Variants in ADTRP observed in about 807,000 individuals in gnomAD.
ADTRP encodes androgen-dependent TFPI-regulating protein.
A neutral mutation model predicts 27.0 loss-of-function variants in ADTRP; 20 were observed. The observed-to-expected ratio is 0.74, with a 90% confidence interval of 0.52 to 1.08. The LOEUF (loss-of-function observed/expected upper bound fraction) is 1.08, where lower values mean the gene tolerates loss of function less well. Among genes scored for constraint, ADTRP ranks in the 50% least tolerant of loss-of-function variants. ADTRP has a pLI of 0.00. For missense variants in ADTRP, 251 were observed against 275.0 expected, an observed-to-expected ratio of 0.91 and a Z score of 0.62; for synonymous variants, 101 against 105.2, an observed-to-expected ratio of 0.96 and a Z score of 0.25.
chr6:11,735,969 G>C (rs75743169), intron 3 of ADTRP: 12 of 276,998 alleles, frequency 4.3e-5, no homozygotes, highest in Non-Finnish European at 6.2e-5. Context: ...TGGCGGGGGT[G>C]GGGGGTGGAG....
chr6:11,724,409 T>C (rs894019783), intron 4 of ADTRP, among the ~76,000 whole-genome samples: 2 of 152,134 alleles, frequency 1.3e-5, no homozygotes, highest in African/African-American at 2.4e-5. Context: ...CAGTAATGCA[T>C]GGATTTGCAG....
At chr6:11,733,544 T>C (rs6908760) in intron 4 of ADTRP, among the ~76,000 whole-genome samples, 28,094 of 152,194 alleles carry the variant, frequency 0.18, 2,910 homozygotes, top group African/African-American at 0.24. Context: ...AAGCCAGTCC[T>C]GCACATCTCT....
intron 3 of ADTRP, among the ~76,000 whole-genome samples, chr6:11,758,452 C>A (rs1261315527): frequency 6.6e-6 from 1 of 150,700 alleles, no homozygotes; most frequent in African/African-American, 2.4e-5. Context: ...TTTTCATTCT[C>A]AGCAAACTAT....
chr6:11,756,554 T>A (rs1763220318), intron 3 of ADTRP, among the ~76,000 whole-genome samples: 1 of 152,174 alleles, frequency 6.6e-6, no homozygotes, highest in Admixed American at 6.5e-5. Flanking sequence ...CACTTACATG[T>A]AAATCTACAA....
chr6:11,715,175 T>C lies in ADTRP; in HGVS notation c.659-663A>G, dbSNP rs140341582. 3.1e-4 allele frequency among the ~76,000 whole-genome samples: 44 copies of C among 143,958 alleles called. No homozygotes were observed. The East Asian group carries it at 9.5e-3, about 31-fold the overall frequency. The allele number at this position is 143,958 out of a possible 152,430, so 94.4% of individuals were successfully genotyped here. A position where few individuals can be genotyped will look rare whatever the true frequency, so the allele number is the denominator to read the frequency against. The stretch of plus-strand genomic sequence containing the variant: ...ATCCTTTGTGCTTGTTGCCAAATAC[T>C]GTCAATGCTACTTTAAAAACTTCTC... On this transcript the variant is annotated intron_variant, in intron 5 of 5. Transcript: ENST00000414691.
chr6:11,723,328 C>A (rs771824465), intron 5 of ADTRP, 21 bp downstream of exon 5: 3 of 1,612,140 alleles, frequency 1.9e-6, no homozygotes, highest in East Asian at 4.5e-5. Context: ...GCATCTGTAG[C>A]TAAGAAAGAA....
chr6:11,754,332 G>T (rs1170690169), intron 3 of ADTRP, among the ~76,000 whole-genome samples: 2 of 152,198 alleles, frequency 1.3e-5, no homozygotes, highest in African/African-American at 4.8e-5. Flanking sequence ...TGAAGCTAAG[G>T]TAGGTAGGCC....
chr6:11,751,623 T>C (rs1280481246), intron 3 of ADTRP, among the ~76,000 whole-genome samples: 1 of 152,218 alleles, frequency 6.6e-6, no homozygotes, highest in Non-Finnish European at 1.5e-5. Flanking sequence ...GGATTTTTTG[T>C]ATTTTTAATC....
rs563544985 is a variant in ADTRP, at chr6:11,769,976, A to T, written c.154-1593T>A. 53 of 1,527,230 alleles carry T rather than the reference A, an allele frequency of 3.5e-5. No individual in the cohort carries two copies. The East Asian group carries it at 1.1e-3, about 32-fold the overall frequency. The allele number at this position is 1,527,230 out of a possible 1,614,324, so 94.6% of individuals were successfully genotyped here. A position where few individuals can be genotyped will look rare whatever the true frequency, so the allele number is the denominator to read the frequency against. ...ATTCTCATAACAACCTTACGAGCCA[A>T]GTCCTATCATTAGACTCCCCCGCCC... is the stretch of plus-strand genomic sequence containing the variant. On this transcript the variant is annotated intron_variant, in intron 1 of 5. Coordinates refer to ENST00000414691, the MANE Select transcript of ADTRP (RefSeq NM_032744.4).
At chr6:11,735,732 C>T (rs773397952) in intron 3 of ADTRP, 49 bp from the exon 4 acceptor site, 8 of 1,267,372 alleles carry the variant, frequency 6.3e-6, no homozygotes, top group Middle Eastern at 1.9e-4. Context: ...TCCAGGGTGC[C>T]TACAGTGCCC....
intron 2 of ADTRP, chr6:11,767,534 T>C (rs928030579): frequency 6.6e-6 from 1 of 152,260 alleles, no homozygotes; most frequent in Non-Finnish European, 1.5e-5. Flanking sequence ...AAGAAGGTAG[T>C]CATTTCTAAT....
At chr6:11,721,453 A>G (rs1762022414) in intron 5 of ADTRP, among the ~76,000 whole-genome samples, 1 of 152,236 alleles carries the variant, frequency 6.6e-6, no homozygotes, top group Non-Finnish European at 1.5e-5. Flanking sequence ...TAGGTTATTT[A>G]GCTTTCAGCA....
chr6:11,759,187 T>C (rs1448186323), intron 3 of ADTRP, among the ~76,000 whole-genome samples: 3 of 152,182 alleles, frequency 2.0e-5, no homozygotes, highest in Admixed American at 2.0e-4. Context: ...GACTGACGTT[T>C]AGCCAGCAAT....
Position 11,732,246 on chromosome 6 carries a change from C to T in ADTRP, c.506+3322G>A, listed in dbSNP as rs546019776. On this transcript the variant is annotated intron_variant, in intron 4 of 5. Transcript: ENST00000414691. The stretch of plus-strand genomic sequence containing the variant: ...TTAGGTCATTTGAACATGGTTTCGG[C>T]GGTGAAATGCTTCTCCAGCTCAGCT... Among the ~76,000 whole-genome samples, 9 of 152,318 alleles carry T rather than the reference C, an allele frequency of 5.9e-5. No individual in the cohort carries two copies. The East Asian group carries it at 7.7e-4, about 13-fold the overall frequency.
intron 3 of ADTRP, among the ~76,000 whole-genome samples, chr6:11,741,294 G>A (rs1194561884): frequency 1.3e-5 from 2 of 152,232 alleles, no homozygotes; most frequent in African/African-American, 2.4e-5. Flanking sequence ...TTGTGAGAAA[G>A]CAAAAACAGT....
chr6:11,767,208 C>A (rs1006362919), intron 2 of ADTRP, among the ~76,000 whole-genome samples: 1 of 152,038 alleles, frequency 6.6e-6, no homozygotes, highest in Non-Finnish European at 1.5e-5. Flanking sequence ...CATGTCTCTA[C>A]CAAAAATACA....
chr6:11,720,165 G>A (rs979480424), intron 5 of ADTRP, among the ~76,000 whole-genome samples: 2 of 152,172 alleles, frequency 1.3e-5, no homozygotes, highest in Non-Finnish European at 2.9e-5. Context: ...TCATCAAAGG[G>A]GGCTCAGGCT....
intron 4 of ADTRP, among the ~76,000 whole-genome samples, chr6:11,730,652 C>T (rs940866094): frequency 6.6e-6 from 1 of 152,180 alleles, no homozygotes; most frequent in African/African-American, 2.4e-5. Flanking sequence ...GGAAGCTTTG[C>T]TGAGGGATCT....
intron 3 of ADTRP, among the ~76,000 whole-genome samples, chr6:11,750,076 C>T (rs1421495808): frequency 6.6e-6 from 1 of 152,176 alleles, no homozygotes; most frequent in Non-Finnish European, 1.5e-5. Flanking sequence ...CAGAAAATTG[C>T]TCAAGCAGCA....
Sources: allele counts gnomAD v4.1 joint callset (sites outside exome capture counted in the v4.1 genomes callset), GRCh38; gene constraint gnomAD v4.1.1; transcripts MANE v1.5; gene names NCBI Gene and HGNC (gene_info 2026-07-23, HGNC 2026-07-21).